RFFL: variants seen among roughly 807,000 people sequenced by gnomAD.
RFFL encodes ring finger and FYVE like domain containing E3 ubiquitin protein ligase.
A neutral mutation model predicts 40.4 loss-of-function variants in RFFL; 16 were observed. The ratio of observed to expected loss-of-function variants is 0.40; its 90% CI spans 0.27 to 0.60. RFFL has a LOEUF of 0.60. Ranked by LOEUF, RFFL falls within the 20% of genes least tolerant of loss-of-function variation. The pLI, the probability that RFFL is intolerant of heterozygous loss-of-function variation, is 0.47. For missense variants in RFFL, 367 were observed against 451.7 expected (o/e 0.81, Z 1.70); for synonymous variants, 154 against 167.9 (o/e 0.92, Z 0.64).
intron 1 of RFFL, among the ~76,000 whole-genome samples, chr17:35,031,197 C>T (rs1026692696): frequency 3.3e-5 from 5 of 151,984 alleles, no homozygotes; most frequent in Admixed American, 3.3e-4. Context: ...ACCTCTGCCT[C>T]CCAGGTTCAA....
At position 35,043,307 on chromosome 17, in the gene RFFL, A is replaced by G. The variant is rs931488699; in HGVS notation, c.-8-16746T>C. ...TCAGAGTAACAGGAATACATTCCCTACACCTCACAGGCTGGACATAGAGGT... is the reference window on the plus strand; with the variant it reads ...TCAGAGTAACAGGAATACATTCCCTGCACCTCACAGGCTGGACATAGAGGT... On this transcript the variant is annotated intron_variant, in intron 1 of 6. Transcript: ENST00000394597. Among the ~76,000 whole-genome samples the G allele has an allele frequency of 3.3e-5, 5 of 152,192 alleles. No homozygotes were observed. The South Asian group carries it at 1.0e-3, about 32-fold the overall frequency.
chr17:35,033,984 T>C (rs1337235289), intron 1 of RFFL, among the ~76,000 whole-genome samples: 2 of 150,834 alleles, frequency 1.3e-5, no homozygotes, highest in Non-Finnish European at 3.0e-5. Context: ...CTACTGAAAA[T>C]ACAAAAAAAT....
Position 35,021,444 on chromosome 17 carries a change from G to A in RFFL, c.518C>T (p.Thr173Ile), listed in dbSNP as rs1256178901. 8 of 1,547,956 alleles carry A rather than the reference G, an allele frequency of 5.2e-6. No homozygotes were observed. The East Asian group carries it at 6.7e-5, about 13-fold the overall frequency. ...AGATGAAGAGGGGAGGTTGGGTGAG[G>A]TAGGTGGAACCATGCTGGAGTGAGG... is the stretch of plus-strand genomic sequence containing the variant. ...TQPHSSMVPPTSPNLPSSSAQ... is the reference protein window; with the variant it reads ...TQPHSSMVPPISPNLPSSSAQ... The change falls in exon 3 of 7, where the codon ACC (threonine) becomes ATC (isoleucine). Residue 173 changes from threonine to isoleucine, a missense_variant. Transcript: ENST00000394597.
At chr17:35,022,483 T>G (rs1597815429) in intron 2 of RFFL, among the ~76,000 whole-genome samples, 2 of 152,210 alleles carry the variant, frequency 1.3e-5, no homozygotes, top group East Asian at 3.8e-4. Flanking sequence ...AAAGTAGGTA[T>G]TAGTGTTCTT....
rs769782151 is a variant in RFFL, at chr17:35,021,461, G to A, written c.501C>T (p.Ser167=). 5 of 1,570,084 alleles carry A rather than the reference G, an allele frequency of 3.2e-6. No individual in the cohort carries two copies. In the East Asian group the frequency reaches 1.1e-4, roughly 35 times the overall value. Residue 167 remains serine (S), a synonymous_variant, in exon 3 of 7, where the codon TCC becomes TCT. Transcript: ENST00000394597. ...TGGGTGAGGTAGGTGGAACCATGCT[G>A]GAGTGAGGCTGGGTCAGGAAGGCCT... The part of the protein sequence containing the change: ...EQQAFLTQPH[S]SMVPPTSPNL...
intron 2 of RFFL, among the ~76,000 whole-genome samples, chr17:35,022,415 A>G (rs1309117434): frequency 6.6e-6 from 1 of 152,200 alleles, no homozygotes; most frequent in African/African-American, 2.4e-5. Context: ...AATTAATATT[A>G]ATTTATTGAG....
chr17:35,017,208 G>A lies in RFFL; in HGVS notation c.675+315C>T, dbSNP rs17604493. On this transcript the variant is annotated intron_variant, in intron 4 of 6. Coordinates refer to ENST00000394597, the MANE Select transcript of RFFL (RefSeq NM_001017368.2). ...TGACAATGGCTACAGTGTGCTAGAA[G>A]CAAGGAAAGAACAAGACTTTAACAG... is the stretch of plus-strand genomic sequence containing the variant. 4.7e-3 allele frequency among the ~76,000 whole-genome samples: 709 copies of A among 152,256 alleles called. 1 individual carries two copies. Among genetic ancestry groups the A allele is most frequent in the South Asian group, 0.012 (58 of 4,830 alleles).
chr17:35,054,297 T>C (rs2091247538), intron 1 of RFFL, among the ~76,000 whole-genome samples: 1 of 152,150 alleles, frequency 6.6e-6, no homozygotes. Flanking sequence ...CAATAAATAT[T>C]TACTGTAAAA....
At chr17:35,027,216 C>A (rs1286250759) in intron 1 of RFFL, among the ~76,000 whole-genome samples, 1 of 152,164 alleles carries the variant, frequency 6.6e-6, no homozygotes, top group African/African-American at 2.4e-5. Flanking sequence ...TACATTTGTA[C>A]CCCCAATCCT....
At chr17:35,039,509 C>T (rs1426468922) in intron 1 of RFFL, among the ~76,000 whole-genome samples, 5 of 152,072 alleles carry the variant, frequency 3.3e-5, no homozygotes, top group Admixed American at 2.0e-4. Flanking sequence ...TGAGCCACAA[C>T]GCCCAGCCAA....
upstream of RFFL, among the ~76,000 whole-genome samples, chr17:35,064,815 C>A (rs747724865): frequency 1.3e-5 from 2 of 152,158 alleles, no homozygotes. Context: ...TTAAAATGTA[C>A]GTGCAGACAG....
intron 1 of RFFL, among the ~76,000 whole-genome samples, chr17:35,082,830 C>A (rs2142388150): frequency 6.6e-6 from 1 of 152,274 alleles, no homozygotes; most frequent in East Asian, 1.9e-4. Context: ...GATGAAAAAA[C>A]TGAAGCTCAC....
Position 35,016,523 on chromosome 17 carries a change from T to C in RFFL, c.733A>G (p.Thr245Ala), listed in dbSNP as rs930320393. ...AGGCCTTCAATGTCCTCCAGGTCAG[T>C]CAGGTCAGACAGAGAGGCCCTTCGG... ...PGRRASLSDL[T>A]DLEDIEGLTV... is the part of the protein sequence containing the mutation. Residue 245 changes from threonine to alanine, a missense_variant, in exon 5 of 7, where the codon ACT (threonine) becomes GCT (alanine). Coordinates refer to ENST00000394597, the MANE Select transcript of RFFL (RefSeq NM_001017368.2). 9.9e-6 allele frequency: 16 copies of C among 1,614,188 alleles called. No individual in the cohort carries two copies. Among genetic ancestry groups the C allele is most frequent in the Non-Finnish European group, 1.3e-5 (15 of 1,180,020 alleles).
At chr17:35,032,150 CA>C (rs1567705440) in intron 1 of RFFL, among the ~76,000 whole-genome samples, 1 of 150,850 alleles carries the variant, frequency 6.6e-6, no homozygotes. Flanking sequence ...GGTCAGGGAG[CA>C]AGGCAGGGAG....
At chr17:35,085,179 CT>C (rs1395556538) in intron 1 of RFFL, among the ~76,000 whole-genome samples, 1 of 152,038 alleles carries the variant, frequency 6.6e-6, no homozygotes, top group East Asian at 1.9e-4. Flanking sequence ...TTTGGAACTC[CT>C]TACAATAAAA....
At chr17:35,012,264 G>C (rs2074520) in intron 6 of RFFL, 115 bp from the exon 7 acceptor site, 118,626 of 829,040 alleles carry the variant, frequency 0.14, 12,841 homozygotes, top group African/African-American at 0.49. Context: ...TGTAAACAAA[G>C]TCTCAGTGCA....
rs1039964608 is a variant in RFFL at position 35,084,719 on chromosome 17, G to A, written c.-9+4386C>T. Among the ~76,000 whole-genome samples, 5 of 148,094 alleles carry A rather than the reference G, an allele frequency of 3.4e-5. 1 individual carries two copies. The highest frequency in any genetic ancestry group is 2.1e-4 in the South Asian group (1 of 4,762). ...AGCCTGGCCAATGTAGTGAAAACCC[G>A]TCTCTACTAAAAAAAAAAATGCAAA... On this transcript the variant is annotated intron_variant, in intron 1 of 6. Coordinates refer to the RFFL transcript ENST00000315249.
chr17:35,079,573 G>A (rs963221295), intron 1 of RFFL, among the ~76,000 whole-genome samples: 1 of 152,204 alleles, frequency 6.6e-6, no homozygotes, highest in Non-Finnish European at 1.5e-5. Flanking sequence ...TCATCTAGAG[G>A]TGAAGCTGCA....
intron 1 of RFFL, among the ~76,000 whole-genome samples, chr17:35,085,157 G>A (rs1297123324): frequency 6.7e-6 from 1 of 150,322 alleles, no homozygotes; most frequent in Non-Finnish European, 1.5e-5. Context: ...ATCTTTCAAG[G>A]AGTGGCTGGC....
Sources: allele counts gnomAD v4.1 joint callset (sites outside exome capture counted in the v4.1 genomes callset), GRCh38; gene constraint gnomAD v4.1.1; transcripts MANE v1.5; gene names NCBI Gene and HGNC (gene_info 2026-07-23, HGNC 2026-07-21).